Variants in ZNF91 observed in about 807,000 individuals in gnomAD.
ZNF91 encodes the protein zinc finger protein 91.
Under a neutral mutation model 12.6 loss-of-function variants are expected in ZNF91, and 7 were observed. The ratio of observed to expected loss-of-function variants is 0.55; its 90% CI spans 0.31 to 1.04. ZNF91 has a LOEUF of 1.04. Ranked by LOEUF, ZNF91 falls within the 50% of genes least tolerant of loss-of-function variation. The probability of loss-of-function intolerance (pLI) is 0.05; values close to 1 mark genes in which losing one functional copy is unlikely to be tolerated. For synonymous variants in ZNF91, 453 were observed against 462.6 expected (o/e 0.98, Z 0.27); for missense variants, 1,217 against 1,385.4 (o/e 0.88, Z 1.93).
At chr19:23,327,390 C>T (rs1229799453) in intron 1 of ZNF91, 4 of 151,998 alleles carry the variant, frequency 2.6e-5, no homozygotes, top group Non-Finnish European at 4.4e-5. Flanking sequence ...AAAAGGGATA[C>T]CCAGAAGATA....
intron 3 of ZNF91, among the ~76,000 whole-genome samples, chr19:23,365,923 T>G (rs1444390959): frequency 6.6e-6 from 1 of 152,182 alleles, no homozygotes; most frequent in Non-Finnish European, 1.5e-5. Flanking sequence ...GCAGAAGAAT[T>G]TTTCTTAGTA....
rs573614006 is a variant in ZNF91 at position 23,369,909 on chromosome 19, T to C, written c.253+3833A>G. 4.8e-3 allele frequency among the ~76,000 whole-genome samples: 725 copies of C among 150,052 alleles called. 6 individuals carry two copies. Among genetic ancestry groups the C allele is most frequent in the African/African-American group, 0.017 (681 of 40,706 alleles). On this transcript the variant is annotated intron_variant, in intron 3 of 3. Coordinates refer to ENST00000300619, the MANE Select transcript of ZNF91 (RefSeq NM_003430.4). ...CTCTGCCTAGGAAAACCAGAGACCT[T>C]TGTTCACTTGTTTATCTGCTGACCT...
At chr19:23,356,057 A>C (rs1968476364), downstream of ZNF91, among the ~76,000 whole-genome samples, 2 of 152,186 alleles carry the variant, frequency 1.3e-5, no homozygotes, top group African/African-American at 4.8e-5. Context: ...TGAGAATGTA[A>C]ACTGATAGAG....
intron 1 of ZNF91, among the ~76,000 whole-genome samples, chr19:23,319,964 C>G (rs551119860): frequency 6.6e-6 from 1 of 152,266 alleles, no homozygotes; most frequent in South Asian, 2.1e-4. Flanking sequence ...GTTTACCACT[C>G]TCTTGCATGT....
Position 23,366,135 on chromosome 19 carries a change from T to A in ZNF91, c.254-3410A>T, listed in dbSNP as rs536040122. ...GGCAGAGGGGCTCCTCGCTTCCCAG[T>A]AGGGGCGGCCGGGCAGAGGCGCCCC... On this transcript the variant is annotated intron_variant, in intron 3 of 3. Coordinates refer to ENST00000300619, the MANE Select transcript of ZNF91 (RefSeq NM_003430.4). Among the ~76,000 whole-genome samples, 7 of 152,138 alleles carry A rather than the reference T, an allele frequency of 4.6e-5. No homozygotes were observed. The East Asian group carries it at 7.8e-4, about 17-fold the overall frequency.
chr19:23,348,159 T>C (rs541411098), intron 3 of ZNF91, among the ~76,000 whole-genome samples: 4 of 152,108 alleles, frequency 2.6e-5, no homozygotes, highest in South Asian at 2.1e-4. Context: ...ACTCACCAAG[T>C]TGGCTCTAGT....
intron 3 of ZNF91, among the ~76,000 whole-genome samples, chr19:23,347,098 C>G (rs1968249087): frequency 6.6e-6 from 1 of 151,210 alleles, no homozygotes; most frequent in Admixed American, 6.6e-5. Flanking sequence ...GGCATGCTGG[C>G]TATGCTATAG....
chr19:23,368,625 G>A (rs935833767), intron 3 of ZNF91, among the ~76,000 whole-genome samples: 45 of 147,740 alleles, frequency 3.0e-4, no homozygotes, highest in African/African-American at 1.1e-3. Flanking sequence ...AACATTAAAT[G>A]CATGAGCAAC....
chr19:23,327,982 T>A (rs1435382472), intron 1 of ZNF91: 1 of 152,212 alleles, frequency 6.6e-6, no homozygotes, highest in African/African-American at 2.4e-5. Context: ...TTTTCCTAAG[T>A]ACAATTTTTT....
At chr19:23,364,406 T>C (rs1010386956) in intron 3 of ZNF91, among the ~76,000 whole-genome samples, 5 of 152,060 alleles carry the variant, frequency 3.3e-5, no homozygotes, top group African/African-American at 4.8e-5. Context: ...GATCGCGCCA[T>C]TGCACTCCAG....
intron 1 of ZNF91, among the ~76,000 whole-genome samples, chr19:23,393,575 T>C (rs1005922628): frequency 3.9e-5 from 6 of 151,922 alleles, no homozygotes; most frequent in Non-Finnish European, 7.4e-5. Context: ...CTAGGGAAAA[T>C]AGACGAAAAA....
intron 2 of ZNF91, 49 bp downstream of exon 2, chr19:23,374,589 G>C: frequency 3.1e-6 from 3 of 968,036 alleles, no homozygotes; most frequent in Non-Finnish European, 4.5e-6. Flanking sequence ...AAGAAAAGAA[G>C]TAAAACCATT....
At chr19:23,324,554 T>G (rs1967802247) in intron 1 of ZNF91, 1 of 151,132 alleles carries the variant, frequency 6.6e-6, no homozygotes, top group African/African-American at 2.4e-5. Context: ...TATGTATGTA[T>G]ATACGTATGT....
rs190775329 is a variant in ZNF91, at chr19:23,306,460, C to G, written n.277+856G>C. On this transcript the variant is annotated intron_variant and non_coding_transcript_variant, in intron 3 of 3. Transcript: ENST00000593292. ...AGCGCTGCTCACAGGGGAATTGTAACGTATCACCGGGCCTTATATCCAGGT... is the reference window on the plus strand; with the variant it reads ...AGCGCTGCTCACAGGGGAATTGTAAGGTATCACCGGGCCTTATATCCAGGT... 4.1e-3 allele frequency among the ~76,000 whole-genome samples: 616 copies of G among 151,852 alleles called. 9 individuals are homozygous for G. Among genetic ancestry groups the G allele is most frequent in the African/African-American group, 0.014 (592 of 41,312 alleles).
downstream of ZNF91, among the ~76,000 whole-genome samples, chr19:23,336,615 T>C (rs11669196): frequency 0.19 from 28,684 of 152,244 alleles, 2,931 homozygotes; most frequent in Non-Finnish European, 0.21. Flanking sequence ...CATTTATTCA[T>C]GCAAGCTTCC....
At chr19:23,368,564 A>C (rs777330606) in intron 3 of ZNF91, among the ~76,000 whole-genome samples, 129 of 137,004 alleles carry the variant, frequency 9.4e-4, no homozygotes, top group Non-Finnish European at 1.4e-3. Flanking sequence ...CTCTCTCTCT[A>C]TATATATATG....
downstream of ZNF91, among the ~76,000 whole-genome samples, chr19:23,356,126 T>C (rs570543344): frequency 2.3e-4 from 35 of 152,152 alleles, no homozygotes; most frequent in Non-Finnish European, 4.4e-4. Context: ...TGTAAAGAAC[T>C]AAAAGTAGAA....
chr19:23,375,733 C>T (rs1395318728), intron 1 of ZNF91, among the ~76,000 whole-genome samples: 1 of 151,858 alleles, frequency 6.6e-6, no homozygotes, highest in Non-Finnish European at 1.5e-5. Flanking sequence ...AAAAGGGCAG[C>T]TGCCAGATTA....
At chr19:23,366,244 GC>G (rs1599731593) in intron 3 of ZNF91, among the ~76,000 whole-genome samples, 1 of 151,874 alleles carries the variant, frequency 6.6e-6, no homozygotes, top group African/African-American at 2.4e-5. Flanking sequence ...CGGGCGGGGG[GC>G]TGACCCCCAT....
Sources: allele counts gnomAD v4.1 joint callset (sites outside exome capture counted in the v4.1 genomes callset), GRCh38; gene constraint gnomAD v4.1.1; transcripts MANE v1.5; gene names NCBI Gene and HGNC (gene_info 2026-07-23, HGNC 2026-07-21).